Variants in SEM1 observed in about 807,000 individuals in gnomAD.
SEM1 encodes 26S proteasome complex subunit SEM1.
SEM1 carries 3 observed loss-of-function variants against 12.7 expected under a neutral mutation model. That is an observed-to-expected ratio of 0.24 (90% CI 0.11 to 0.61). The LOEUF is 0.61. SEM1 is among the 20% of genes least tolerant of loss of function. SEM1 has a pLI of 0.88. For missense variants in SEM1, 59 were observed against 81.3 expected (o/e 0.73, Z 1.06); for synonymous variants, 30 against 27.8 (o/e 1.08, Z -0.25).
chr7:96,563,523 A>G (rs1805756285), intron 2 of SEM1, among the ~76,000 whole-genome samples: 1 of 152,162 alleles, frequency 6.6e-6, no homozygotes, highest in Non-Finnish European at 1.5e-5. Context: ...ATACAGAAGT[A>G]CATGGGAATA....
chr7:96,623,318 T>A (rs889233745), intron 2 of SEM1, among the ~76,000 whole-genome samples: 14 of 152,000 alleles, frequency 9.2e-5, no homozygotes, highest in African/African-American at 3.1e-4. Flanking sequence ...CTTTCATGGG[T>A]TTCCAACTGT....
At chr7:96,650,201 T>G (rs1390753741) in intron 2 of SEM1, 4 of 351,298 alleles carry the variant, frequency 1.1e-5, no homozygotes, top group Non-Finnish European at 2.0e-5. Context: ...ATAACTGACT[T>G]GACCACAAAA....
intron 2 of SEM1, among the ~76,000 whole-genome samples, chr7:96,590,700 G>C (rs968921034): frequency 1.3e-5 from 2 of 152,200 alleles, no homozygotes; most frequent in African/African-American, 4.8e-5. Context: ...CAAGATCTAA[G>C]GCAATTACTT....
At chr7:96,693,648 C>T (rs1479466380) in intron 2 of SEM1, among the ~76,000 whole-genome samples, 1 of 151,890 alleles carries the variant, frequency 6.6e-6, no homozygotes, top group African/African-American at 2.4e-5. Flanking sequence ...CCTTCACACC[C>T]TGCTAGTACG....
At position 96,650,448 on chromosome 7, in the gene SEM1, T is replaced by G. The variant is rs560906461; in HGVS notation, c.171-27805A>C. ...CACCTCGCCCAATGTGTCCTTCATC[T>G]GACTTGATGGTACCAAGCCACTGCA... On this transcript the variant is annotated intron_variant, in intron 2 of 2. Transcript: ENST00000417009. 8.1e-5 allele frequency: 60 copies of G among 740,306 alleles called. 1 individual carries two copies. Among genetic ancestry groups the G allele is most frequent in the South Asian group, 8.1e-4 (56 of 69,552 alleles). 45.9% of individuals were successfully genotyped at this position (740,306 alleles called of 1,614,324 possible).
Position 96,709,691 on chromosome 7 carries a change from C to T in SEM1, c.73G>A (p.Glu25Lys). 2 of 1,613,200 alleles carry T rather than the reference C, an allele frequency of 1.2e-6. No homozygotes were observed. The highest frequency in any genetic ancestry group is 1.7e-6 in the Non-Finnish European group (2 of 1,179,550). ...GAAACCGGGGCCCAGCGGTTACCTT[C>T]GGCAGGGAACTCTTCAAACTCGTCG... ...EDDEFEEFPA[E>K]DWAGLDEDED... Residue 25 changes from glutamate (E) to lysine (K), a missense_variant, in exon 1 of 3, where the codon GAA (glutamate) becomes AAA (lysine). Glu to Lys is a moderately conservative substitution (Grantham distance 56). Transcript: ENST00000248566.
At chr7:96,618,374 A>T (rs1807784193), downstream of SEM1, among the ~76,000 whole-genome samples, 1 of 152,050 alleles carries the variant, frequency 6.6e-6, no homozygotes, top group African/African-American at 2.4e-5. Context: ...TGCTGTGGGG[A>T]ACTACTTTTT....
chr7:96,576,148 A>G (rs1419947727), intron 2 of SEM1, among the ~76,000 whole-genome samples: 1 of 152,176 alleles, frequency 6.6e-6, no homozygotes, highest in Admixed American at 6.5e-5. Context: ...TAGCCCCTAC[A>G]TAATTTTGTG....
At chr7:96,655,705 T>G (rs17167680) in intron 2 of SEM1, among the ~76,000 whole-genome samples, 24,328 of 152,114 alleles carry the variant, frequency 0.16, 3,618 homozygotes, top group African/African-American at 0.4. Context: ...CATACCCCTT[T>G]CATCACAGCA....
downstream of SEM1, among the ~76,000 whole-genome samples, chr7:96,687,735 TAACTAACCTGCAC>T (rs1390518803): frequency 1.3e-5 from 2 of 152,062 alleles, no homozygotes; most frequent in Non-Finnish European, 2.9e-5. Context: ...TATACATATG[TAACTAACCTGCAC>T]ATTGTGCACA....
chr7:96,551,880 C>G (rs116322307), intron 2 of SEM1, among the ~76,000 whole-genome samples: 6 of 152,100 alleles, frequency 3.9e-5, no homozygotes, highest in Non-Finnish European at 7.4e-5. Context: ...CTGGAAGGAA[C>G]CAGCCCTGCC....
chr7:96,682,493 G>A (rs751676751), intron 2 of SEM1, among the ~76,000 whole-genome samples: 1 of 151,964 alleles, frequency 6.6e-6, no homozygotes, highest in African/African-American at 2.4e-5. Flanking sequence ...TCCAGTTTTT[G>A]CCCATTCAGT....
In SEM1 at chr7:96,571,585, C is replaced by T. The variant is rs147269880; in HGVS notation, c.171-64887G>A. ...ATATATGTATATATATACATATATA[C>T]GCACATATATACATATATATATACA... On this transcript the variant is annotated intron_variant and NMD_transcript_variant, in intron 2 of 3. Coordinates refer to the SEM1 transcript ENST00000466986. Among the ~76,000 whole-genome samples the T allele has an allele frequency of 6.1e-3, 922 of 150,422 alleles. 14 individuals are homozygous for T. The South Asian group carries it at 0.068, about 11-fold the overall frequency.
chr7:96,705,330 T>C (rs73228347), intron 1 of SEM1, among the ~76,000 whole-genome samples: 17,523 of 146,182 alleles, frequency 0.12, 1,640 homozygotes, highest in African/African-American at 0.26. Flanking sequence ...CTCAATTTCA[T>C]TCTAAATATT....
chr7:96,571,287 G>A (rs1806019254), intron 2 of SEM1, among the ~76,000 whole-genome samples: 1 of 152,060 alleles, frequency 6.6e-6, no homozygotes, highest in Admixed American at 6.6e-5. Flanking sequence ...TGATGCCTAT[G>A]TCCTGAATGG....
intron 2 of SEM1, among the ~76,000 whole-genome samples, chr7:96,583,878 T>C (rs1386583402): frequency 6.6e-6 from 1 of 150,946 alleles, no homozygotes; most frequent in Non-Finnish European, 1.5e-5. Flanking sequence ...GCACGTGAGA[T>C]GGGTTTCCTG....
chr7:96,555,946 G>A (rs1805478611), intron 2 of SEM1, among the ~76,000 whole-genome samples: 1 of 144,154 alleles, frequency 6.9e-6, no homozygotes, highest in Non-Finnish European at 1.5e-5. Context: ...ATTATGTAAT[G>A]GCCTTCTTTG....
At chr7:96,500,173 C>G (rs1178708810), upstream of SEM1, among the ~76,000 whole-genome samples, 1 of 151,924 alleles carries the variant, frequency 6.6e-6, no homozygotes, top group African/African-American at 2.4e-5. Flanking sequence ...ACAAACAACA[C>G]TGGACTAAAA....
At chr7:96,508,458 C>T (rs1361450875) in intron 2 of SEM1, among the ~76,000 whole-genome samples, 1 of 152,092 alleles carries the variant, frequency 6.6e-6, no homozygotes, top group East Asian at 1.9e-4. Context: ...TTACAAAATA[C>T]TCCACTCATG....
Sources: gnomAD v4.1 joint callset for allele counts (sites outside exome capture counted in the v4.1 genomes callset) on GRCh38, gnomAD v4.1.1 for gene constraint, MANE v1.5 for transcripts, NCBI Gene and HGNC (gene_info 2026-07-23, HGNC 2026-07-21) for gene names.